CCDC63: variants seen among roughly 807,000 people sequenced by gnomAD.
CCDC63 encodes the protein coiled-coil domain containing 63, also known as coiled-coil domain-containing protein 63.
In CCDC63, 54 loss-of-function variants were observed where a neutral mutation model predicts 63.6. The ratio of observed to expected loss-of-function variants is 0.85; its 90% confidence interval spans 0.68 to 1.07. CCDC63 has a LOEUF of 1.07. Among genes scored for constraint, CCDC63 ranks in the 50% least tolerant of loss-of-function variants. The pLI is 0.00. For synonymous variants in CCDC63, 253 were observed against 266.1 expected, an observed-to-expected ratio of 0.95 and a Z score of 0.48; for missense variants, 637 against 689.6, an observed-to-expected ratio of 0.92 and a Z score of 0.86.
chr12:110,896,859 AC>A (rs2071421332), intron 9 of CCDC63, among the ~76,000 whole-genome samples: 3 of 152,208 alleles, frequency 2.0e-5, no homozygotes, highest in Non-Finnish European at 4.4e-5. Context: ...TTTACTGTGC[AC>A]CAGGATCACC....
rs867151292 is a variant in CCDC63, at chr12:110,878,503, C to T, written c.490-1403C>T. ...CTAATTTTTGTATTTTTAGTTGAGA[C>T]GGGGTTTCACCATGTTGGCCAGGCT... On this transcript the variant is annotated intron_variant, in intron 5 of 11. Transcript: ENST00000308208. 2.0e-4 allele frequency among the ~76,000 whole-genome samples: 30 copies of T among 151,578 alleles called. No homozygotes were observed. The South Asian group carries it at 2.9e-3, about 15-fold the overall frequency.
At position 110,884,001 on chromosome 12, in the gene CCDC63, GTCACAGTGGCTGATTTT is replaced by G. The variant is rs2071243392; in HGVS notation, c.854-26_854-10del. On this transcript the variant is annotated splice_polypyrimidine_tract_variant and intron_variant, in intron 7 of 11. Coordinates refer to ENST00000308208, the MANE Select transcript of CCDC63 (RefSeq NM_152591.3). ...GGATCTGAGGAGCTTCCTTTTGAGT[GTCACAGTGGCTGATTTT>G]TCCTTTCCTAGCTCTCAAGGCAAAG... 1.9e-6 allele frequency: 3 copies of G among 1,571,434 alleles called. No individual in the cohort carries two copies. The highest frequency in any genetic ancestry group is 2.6e-6 in the Non-Finnish European group (3 of 1,141,756).
chr12:110,884,328 C>A (rs1240485626), intron 8 of CCDC63, 78 bp downstream of exon 8: 25 of 1,161,418 alleles, frequency 2.2e-5, no homozygotes, highest in Non-Finnish European at 3.2e-5. Flanking sequence ...CCTAGGAAGG[C>A]TCTGTGAGAG....
At chr12:110,871,078 C>T (rs1339374016) in intron 4 of CCDC63, among the ~76,000 whole-genome samples, 4 of 152,152 alleles carry the variant, frequency 2.6e-5, no homozygotes, top group African/African-American at 9.7e-5. Flanking sequence ...ACCAAACTTC[C>T]AAGCAGGAAA....
chr12:110,852,795 G>T, intron 1 of CCDC63, 64 bp from the exon 2 acceptor site: 1 of 1,070,158 alleles, frequency 9.3e-7, no homozygotes, highest in Non-Finnish European at 1.4e-6. Flanking sequence ...AGGAGGTGCC[G>T]TTCTGACCTG....
chr12:110,895,144 C>T (rs1323812930), intron 9 of CCDC63, among the ~76,000 whole-genome samples: 4 of 141,412 alleles, frequency 2.8e-5, no homozygotes, highest in Non-Finnish European at 6.2e-5. Context: ...GACGGAGTCT[C>T]GCTCTGTCGC....
intron 8 of CCDC63, among the ~76,000 whole-genome samples, chr12:110,885,702 G>A (rs1388163741): frequency 1.3e-5 from 2 of 152,130 alleles, no homozygotes; most frequent in African/African-American, 4.8e-5. Flanking sequence ...CCTCCTCTGG[G>A]AATTCATTAG....
Position 110,856,294 on chromosome 12 carries a change from C to G in CCDC63, c.180-2292C>G, listed in dbSNP as rs144123704. 2.4e-3 allele frequency among the ~76,000 whole-genome samples: 362 copies of G among 152,066 alleles called. 3 individuals carry two copies. Among genetic ancestry groups the G allele is most frequent in the African/African-American group, 8.4e-3 (350 of 41,490 alleles). ...AGAGAAAGGGTTTCGACATGTTGGC[C>G]AGGCTGGTCTTGAACTGCTGACCTC... On this transcript the variant is annotated intron_variant, in intron 3 of 11. Coordinates refer to ENST00000308208, the MANE Select transcript of CCDC63 (RefSeq NM_152591.3).
At chr12:110,866,119 A>G (rs546287842) in intron 4 of CCDC63, among the ~76,000 whole-genome samples, 8 of 152,270 alleles carry the variant, frequency 5.3e-5, no homozygotes, top group Admixed American at 1.3e-4. Context: ...CTGGGATTAC[A>G]GATGTGCACC....
At chr12:110,901,651 T>C (rs2071489137) in intron 10 of CCDC63, among the ~76,000 whole-genome samples, 5 of 152,212 alleles carry the variant, frequency 3.3e-5, no homozygotes, top group African/African-American at 7.2e-5. Flanking sequence ...TCATTGTTTT[T>C]CATCCTGCAG....
chr12:110,898,936 A>G lies in CCDC63; in HGVS notation c.1153A>G (p.Lys385Glu), dbSNP rs1382737047. 13 of 1,598,408 alleles carry G rather than the reference A, an allele frequency of 8.1e-6. No individual in the cohort carries two copies. Among genetic ancestry groups the G allele is most frequent in the African/African-American group, 1.3e-5 (1 of 74,538 alleles). ...NHSVLRQLED[K>E]LRKTTEEADM... Reference sequence around the variant, plus strand: ...GGGAATTGGGGTCTGCCACCAGGATAAACTGAGGAAGACCACGGAGGAGGC... The same window carrying G: ...GGGAATTGGGGTCTGCCACCAGGATGAACTGAGGAAGACCACGGAGGAGGC... The change falls in exon 10 of 12, where the codon AAA becomes GAA. Residue 385 changes from lysine to glutamate, a missense_variant. By Grantham distance (56) the Lys-to-Glu change is moderately conservative. Transcript: ENST00000308208.
intron 4 of CCDC63, among the ~76,000 whole-genome samples, chr12:110,869,686 G>C (rs948550328): frequency 5.9e-5 from 9 of 152,136 alleles, no homozygotes; most frequent in African/African-American, 2.2e-4. Flanking sequence ...GGGAGTGTTT[G>C]GGTCTGGAGA....
chr12:110,881,587 T>C lies in CCDC63; in HGVS notation c.853+291T>C, dbSNP rs574972648. 4.6e-5 allele frequency among the ~76,000 whole-genome samples: 7 copies of C among 152,088 alleles called. No homozygotes were observed. The South Asian group carries it at 1.5e-3, about 32-fold the overall frequency. On this transcript the variant is annotated intron_variant, in intron 7 of 11. Transcript: ENST00000308208. ...ATACAAAAAAATTAGCTGGACATAG[T>C]GGTGAGTGCCTGTAATCCCAGCTAC...
At chr12:110,900,731 C>G (rs954026532) in intron 10 of CCDC63, among the ~76,000 whole-genome samples, 1 of 152,096 alleles carries the variant, frequency 6.6e-6, no homozygotes, top group African/African-American at 2.4e-5. Flanking sequence ...CCCCAAGTAG[C>G]TGGGATTATA....
intron 7 of CCDC63, 75 bp from the exon 8 acceptor site, chr12:110,883,955 A>T: frequency 1.8e-6 from 2 of 1,142,134 alleles, no homozygotes; most frequent in Non-Finnish European, 2.6e-6. Context: ...AATATTGATC[A>T]CGTTACTGTC....
At chr12:110,870,567 C>T (rs969752804) in intron 4 of CCDC63, among the ~76,000 whole-genome samples, 3 of 152,172 alleles carry the variant, frequency 2.0e-5, no homozygotes, top group African/African-American at 7.2e-5. Context: ...TCCCTGCACC[C>T]CAAGAGGATG....
At chr12:110,856,879 CTG>C (rs2136648860) in intron 3 of CCDC63, among the ~76,000 whole-genome samples, 1 of 139,296 alleles carries the variant, frequency 7.2e-6, no homozygotes, top group African/African-American at 2.6e-5. Context: ...CAGGGTCTCA[CTG>C]TGTGTCTCCC....
At chr12:110,899,984 C>T (rs762821345) in intron 10 of CCDC63, among the ~76,000 whole-genome samples, 4 of 151,872 alleles carry the variant, frequency 2.6e-5, no homozygotes, top group Non-Finnish European at 5.9e-5. Flanking sequence ...GAGGCCGAGG[C>T]GGGCAGATCA....
chr12:110,855,827 C>G (rs946995438), intron 3 of CCDC63, among the ~76,000 whole-genome samples: 1 of 151,924 alleles, frequency 6.6e-6, no homozygotes, highest in South Asian at 2.1e-4. Flanking sequence ...GTGATCCACC[C>G]GCCTCGGCCT....
Sources: allele counts gnomAD v4.1 joint callset (sites outside exome capture counted in the v4.1 genomes callset), GRCh38; gene constraint gnomAD v4.1.1; transcripts MANE v1.5; gene names NCBI Gene and HGNC (gene_info 2026-07-23, HGNC 2026-07-21).